The following SAMM50 variants were observed in gnomAD, a reference collection of about 807,000 sequenced individuals.
The protein encoded by SAMM50 is SAMM50 sorting and assembly machinery component, also known as sorting and assembly machinery component 50 homolog.
SAMM50 carries 47 observed loss-of-function variants against 66.9 expected under a neutral mutation model. The ratio of observed to expected loss-of-function variants is 0.70; its 90% confidence interval spans 0.56 to 0.90. SAMM50 has a LOEUF of 0.90. SAMM50 is among the 40% of genes least tolerant of loss of function. SAMM50 has a pLI of 0.00. For synonymous variants in SAMM50, 191 were observed against 214.1 expected, an observed-to-expected ratio of 0.89 and a Z score of 0.94; for missense variants, 535 against 595.3, an observed-to-expected ratio of 0.90 and a Z score of 1.05.
At position 43,964,539 on chromosome 22, in the gene SAMM50, A is replaced by C; in HGVS notation, c.220A>C (p.Lys74Gln). 1 of 1,587,014 alleles carries C rather than the reference A, an allele frequency of 6.3e-7. No homozygotes were observed. Among genetic ancestry groups the C allele is most frequent in the Non-Finnish European group, 8.7e-7 (1 of 1,155,510 alleles). ...ICEIGDVFKA[K>Q]NLIEVMRKSH... Reference sequence around the variant, plus strand: ...TGAAATTGGAGATGTTTTCAAGGCCAAAAACCTAATTGAGGTAGGTGTGGT... The same window carrying C: ...TGAAATTGGAGATGTTTTCAAGGCCCAAAACCTAATTGAGGTAGGTGTGGT... The change falls in exon 3 of 15, where the codon AAA (lysine) becomes CAA (glutamine). Residue 74 changes from lysine (K) to glutamine (Q), a missense_variant. Physicochemically the swap from Lys to Gln is moderately conservative, Grantham distance 53. Transcript: ENST00000350028.
intron 11 of SAMM50, among the ~76,000 whole-genome samples, chr22:43,982,332 A>T (rs1053157576): frequency 3.9e-5 from 6 of 152,268 alleles, no homozygotes; most frequent in African/African-American, 1.4e-4. Context: ...AAACTGCCTT[A>T]TGTAAGTTCC....
chr22:43,957,975 G>A (rs986866746), intron 1 of SAMM50, among the ~76,000 whole-genome samples: 4 of 151,904 alleles, frequency 2.6e-5, no homozygotes, highest in East Asian at 1.9e-4. Flanking sequence ...GGATGGTCTC[G>A]ATCTCCTGAC....
intron 12 of SAMM50, chr22:43,988,671 G>T (rs2050306581): frequency 6.5e-6 from 1 of 153,814 alleles, no homozygotes; most frequent in Non-Finnish European, 1.4e-5. Flanking sequence ...ATCATGTGCA[G>T]CTGTCTCCAC....
rs762081056 is a variant in SAMM50 at position 43,972,284 on chromosome 22, A to G, written c.371A>G (p.Glu124Gly). The change falls in exon 5 of 15, where the codon GAA becomes GGA. Residue 124 changes from glutamate to glycine, a missense_variant. By Grantham distance (98) the Glu-to-Gly change is moderately conservative. Transcript: ENST00000350028. ...NGLDVTFEVT[E>G]LRRLTGSYNT... is the part of the protein sequence containing the mutation. ...TTAGACGTTACCTTTGAAGTAACTGAATTGAGGAGATTAACGGGCAGTTAT... is the reference window on the plus strand; with the variant it reads ...TTAGACGTTACCTTTGAAGTAACTGGATTGAGGAGATTAACGGGCAGTTAT... 1.9e-6 allele frequency: 3 copies of G among 1,607,620 alleles called. No homozygotes were observed. The highest frequency in any genetic ancestry group is 2.2e-5 in the South Asian group (2 of 89,248).
At chr22:43,989,022 A>C in intron 12 of SAMM50, 89 bp from the exon 13 acceptor site, 1 of 1,375,482 alleles carries the variant, frequency 7.3e-7, no homozygotes, top group Non-Finnish European at 1.0e-6. Flanking sequence ...TTTACAGGAC[A>C]GAAATCTTGC....
chr22:43,956,764 T>C (rs1190214751), intron 1 of SAMM50, among the ~76,000 whole-genome samples: 1 of 152,190 alleles, frequency 6.6e-6, no homozygotes, highest in African/African-American at 2.4e-5. Flanking sequence ...CTGATTCCGT[T>C]CCTCTGTTGC....
intron 11 of SAMM50, among the ~76,000 whole-genome samples, chr22:43,981,724 T>G (rs1380771745): frequency 6.6e-6 from 1 of 152,244 alleles, no homozygotes; most frequent in Non-Finnish European, 1.5e-5. Flanking sequence ...TCATACTCAT[T>G]GCAGAAATGC....
In SAMM50 at chr22:43,990,493, C is replaced by G. The variant is rs2050318021; in HGVS notation, c.1364+87C>G. Reference sequence around the variant, plus strand: ...TGGACGTGGTTAATTTCATTAGTGGCTTTTAAGCTTGAAGATTTTAAGAGA... The same window carrying G: ...TGGACGTGGTTAATTTCATTAGTGGGTTTTAAGCTTGAAGATTTTAAGAGA... On this transcript the variant is annotated intron_variant, in intron 14 of 14. Transcript: ENST00000350028. The G allele has an allele frequency of 2.0e-5, 26 of 1,273,772 alleles. No individual in the cohort carries two copies. In the South Asian group the frequency reaches 3.0e-4, roughly 15 times the overall value. 78.9% of individuals were successfully genotyped at this position (1,273,772 alleles called of 1,614,324 possible).
intron 12 of SAMM50, chr22:43,988,811 C>T (rs1194174801): frequency 7.8e-5 from 20 of 256,802 alleles, no homozygotes. Flanking sequence ...TGTCATGAGA[C>T]TCATTTCTTC....
intron 3 of SAMM50, among the ~76,000 whole-genome samples, chr22:43,965,728 C>T (rs992625046): frequency 5.1e-5 from 4 of 78,964 alleles, no homozygotes; most frequent in South Asian, 4.5e-4. Context: ...CCATTCTCTA[C>T]ATTTTTTTTT....
At position 43,964,053 on chromosome 22, in the gene SAMM50, G is replaced by A. The variant is rs544397600; in HGVS notation, c.133-399G>A. The stretch of plus-strand genomic sequence containing the variant: ...CTCCAAAGTAACTGGGACTATAGGC[G>A]TGCACCACCACACCTGGCTAATTTT... On this transcript the variant is annotated intron_variant, in intron 2 of 14. Coordinates refer to ENST00000350028, the MANE Select transcript of SAMM50 (RefSeq NM_015380.5). 4.6e-5 allele frequency among the ~76,000 whole-genome samples: 7 copies of A among 152,180 alleles called. No homozygotes were observed. In the East Asian group the frequency reaches 7.7e-4, roughly 17 times the overall value.
At chr22:43,984,106 C>A in intron 12 of SAMM50, 106 bp downstream of exon 12, 4 of 954,428 alleles carry the variant, frequency 4.2e-6, no homozygotes, top group South Asian at 1.8e-5. Flanking sequence ...TCCTCTTTCA[C>A]GGTGGTGGAA....
At chr22:43,963,440 C>T (rs1355810677) in intron 2 of SAMM50, 44 bp downstream of exon 2, 4 of 1,157,924 alleles carry the variant, frequency 3.5e-6, no homozygotes, top group East Asian at 2.4e-5. Flanking sequence ...TTAGTGGAAA[C>T]ATTCACTTCC....
chr22:43,981,294 C>T (rs2050263392), intron 10 of SAMM50, 97 bp from the exon 11 acceptor site: 1 of 954,482 alleles, frequency 1.0e-6, no homozygotes, highest in Non-Finnish European at 1.7e-6. Context: ...GCTCTGCACG[C>T]CACGGGCATT....
At chr22:43,968,153 G>A (rs2050182989) in intron 3 of SAMM50, among the ~76,000 whole-genome samples, 1 of 150,868 alleles carries the variant, frequency 6.6e-6, no homozygotes, top group South Asian at 2.1e-4. Flanking sequence ...CTTGAACCTG[G>A]GAGGCAGAGG....
At chr22:43,974,598 A>G (rs1021306772) in intron 7 of SAMM50, 2 of 152,186 alleles carry the variant, frequency 1.3e-5, no homozygotes, top group African/African-American at 4.8e-5. Flanking sequence ...TTGCACTTTC[A>G]TTTCCTTTTC....
intron 8 of SAMM50, among the ~76,000 whole-genome samples, chr22:43,976,469 C>T (rs1243234808): frequency 1.3e-5 from 2 of 152,206 alleles, no homozygotes; most frequent in Non-Finnish European, 2.9e-5. Flanking sequence ...GCCAGGGCGT[C>T]GAGCTCCTTG....
Position 43,973,017 on chromosome 22 carries a change from G to C in SAMM50, c.560+16G>C. 1 of 1,586,574 alleles carries C rather than the reference G, an allele frequency of 6.3e-7. No individual in the cohort carries two copies. The highest frequency in any genetic ancestry group is 8.5e-7 in the Non-Finnish European group (1 of 1,173,100). On this transcript the variant is annotated intron_variant, in intron 6 of 14. Coordinates refer to ENST00000350028, the MANE Select transcript of SAMM50 (RefSeq NM_015380.5). ...TCGAAAGAAAGTAGGAAGCCCAACA[G>C]ATCATTGAGTACACTGGCCTGATAG... is the stretch of plus-strand genomic sequence containing the variant.
At chr22:43,990,514 A>T in intron 14 of SAMM50, 108 bp downstream of exon 14, 1 of 1,146,582 alleles carries the variant, frequency 8.7e-7, no homozygotes, top group East Asian at 2.4e-5. Flanking sequence ...GAAGATTTTA[A>T]GAGAATTAAA....
Sources: gnomAD v4.1 joint callset for allele counts (sites outside exome capture counted in the v4.1 genomes callset) on GRCh38, gnomAD v4.1.1 for gene constraint, MANE v1.5 for transcripts, NCBI Gene and HGNC (gene_info 2026-07-23, HGNC 2026-07-21) for gene names.